Variants in LMF1 observed in about 807,000 individuals in gnomAD.
The protein encoded by LMF1 is transmembrane protein 112.
A neutral mutation model predicts 60.6 loss-of-function variants in LMF1; 68 were observed. The observed-to-expected ratio is 1.12, with a 90% confidence interval of 0.92 to 1.37. The LOEUF is 1.37. Among genes scored for constraint, LMF1 ranks in the 40% most tolerant of loss-of-function variants. LMF1 has a pLI of 0.00. For missense variants in LMF1, 948 were observed against 767.2 expected (o/e 1.24, Z -2.78); for synonymous variants, 418 against 324.7 (o/e 1.29, Z -3.09).
intron 2 of LMF1, among the ~76,000 whole-genome samples, chr16:952,842 T>C (rs2072517014): frequency 7.3e-6 from 1 of 137,408 alleles, no homozygotes; most frequent in Non-Finnish European, 1.6e-5. Context: ...CTCCTACACG[T>C]CCACACAGAC....
chr16:966,397 C>T (rs985382774), intron 1 of LMF1, among the ~76,000 whole-genome samples: 1 of 152,240 alleles, frequency 6.6e-6, no homozygotes, highest in African/African-American at 2.4e-5. Context: ...ACTCGGCCCC[C>T]ACAAACACAT....
intron 2 of LMF1, among the ~76,000 whole-genome samples, chr16:946,032 C>T (rs2072231055): frequency 6.6e-6 from 1 of 152,228 alleles, no homozygotes; most frequent in South Asian, 2.1e-4. Context: ...CACCCCAAAA[C>T]AAGCTAATGG....
intron 6 of LMF1, chr16:871,737 G>A (rs1051471660): frequency 1.6e-5 from 3 of 188,376 alleles, no homozygotes; most frequent in Non-Finnish European, 3.3e-5. Context: ...AGGAGGCTGT[G>A]CTTGGAGAGT....
intron 1 of LMF1, among the ~76,000 whole-genome samples, chr16:969,786 G>A (rs1290741862): frequency 2.0e-5 from 3 of 152,210 alleles, no homozygotes; most frequent in Non-Finnish European, 2.9e-5. Flanking sequence ...CCTCACTTGA[G>A]GTTCGTAGCT....
intron 6 of LMF1, 199 bp from the exon 7 acceptor site, chr16:871,540 C>T: frequency 1.7e-6 from 1 of 599,388 alleles, no homozygotes; most frequent in Non-Finnish European, 3.0e-6. Flanking sequence ...GAGGTGCCTT[C>T]CGGCAGGTGC....
intron 1 of LMF1, chr16:980,458 C>T (rs898305803): frequency 3.5e-4 from 53 of 152,298 alleles, no homozygotes; most frequent in African/African-American, 1.3e-3. Flanking sequence ...CCAGCTCCTT[C>T]TGCCGACCGG....
intron 2 of LMF1, among the ~76,000 whole-genome samples, chr16:938,450 G>C (rs1403603074): frequency 6.6e-6 from 1 of 152,234 alleles, no homozygotes; most frequent in South Asian, 2.1e-4. Context: ...GGATGGCAGG[G>C]GTGGGGCTGG....
In LMF1 at chr16:950,895, A is replaced by G. The variant is rs550451665; in HGVS notation, c.503+3462T>C. ...CAAGGACGGAGTCAGAGCCAACGACAGAGTCAGAGCCAACGACAGAGTCAG... is the reference window on the plus strand; with the variant it reads ...CAAGGACGGAGTCAGAGCCAACGACGGAGTCAGAGCCAACGACAGAGTCAG... On this transcript the variant is annotated intron_variant, in intron 2 of 10. Coordinates refer to ENST00000262301, the MANE Select transcript of LMF1 (RefSeq NM_022773.4). 1.8e-4 allele frequency among the ~76,000 whole-genome samples: 27 copies of G among 151,326 alleles called. No individual in the cohort carries two copies. The South Asian group carries it at 5.5e-3, about 31-fold the overall frequency.
chr16:974,261 C>T (rs181537153), upstream of LMF1, among the ~76,000 whole-genome samples: 42 of 152,346 alleles, frequency 2.8e-4, no homozygotes, highest in African/African-American at 9.6e-4. Context: ...TGAGCTGCAG[C>T]GGCCGGGAGA....
At chr16:909,163 C>A (rs1489256676) in intron 4 of LMF1, among the ~76,000 whole-genome samples, 1 of 152,172 alleles carries the variant, frequency 6.6e-6, no homozygotes, top group African/African-American at 2.4e-5. Context: ...AAGAAATGGC[C>A]AGTTCACTCC....
chr16:909,515 G>A (rs1036661666), intron 4 of LMF1, among the ~76,000 whole-genome samples: 41 of 151,966 alleles, frequency 2.7e-4, no homozygotes, highest in Non-Finnish European at 1.3e-4. Flanking sequence ...GCTACACAGA[G>A]CCACGCTACA....
upstream of LMF1, among the ~76,000 whole-genome samples, chr16:972,748 T>C (rs981263461): frequency 1.9e-4 from 29 of 152,192 alleles, no homozygotes; most frequent in Admixed American, 3.9e-4. Flanking sequence ...CAATGGGGCA[T>C]TGTGCAGAGC....
intron 2 of LMF1, among the ~76,000 whole-genome samples, chr16:948,728 T>TCAAAGCCAAC (rs1376466921): frequency 1.5e-5 from 1 of 66,488 alleles, no homozygotes; most frequent in African/African-American, 8.1e-5. Flanking sequence ...AGTCAGCCAA[T>TCAAAGCCAAC]GACAGAGTCA....
intron 6 of LMF1, chr16:872,611 G>C (rs2069832285): frequency 6.6e-6 from 1 of 152,360 alleles, no homozygotes; most frequent in South Asian, 2.1e-4. Context: ...TCCTGAGTGT[G>C]ACCAGGGCTG....
intron 1 of LMF1, chr16:980,953 C>T (rs1412198791): frequency 6.6e-6 from 1 of 151,918 alleles, no homozygotes; most frequent in South Asian, 2.1e-4. Flanking sequence ...CGCGTCCGGC[C>T]ACGCCATCCG....
At chr16:966,642 C>A (rs1262170764) in intron 1 of LMF1, among the ~76,000 whole-genome samples, 1 of 152,222 alleles carries the variant, frequency 6.6e-6, no homozygotes, top group East Asian at 1.9e-4. Context: ...CGAGCCGTCT[C>A]CCAGGCGGGT....
chr16:943,803 C>T (rs556100209), intron 2 of LMF1, among the ~76,000 whole-genome samples: 2 of 150,472 alleles, frequency 1.3e-5, no homozygotes, highest in East Asian at 3.9e-4. Flanking sequence ...TGCCTCAAAT[C>T]CTCTTTTCTA....
intron 2 of LMF1, 153 bp downstream of exon 2, chr16:954,204 C>T (rs886468435): frequency 4.5e-5 from 38 of 835,854 alleles, no homozygotes; most frequent in Non-Finnish European, 6.7e-5. Flanking sequence ...GTGCACTGGC[C>T]GCTCTGCCAT....
chr16:859,563 A>C (rs868709031), intron 10 of LMF1, among the ~76,000 whole-genome samples: 1 of 13,334 alleles, frequency 7.5e-5, no homozygotes, highest in Non-Finnish European at 1.2e-4. Context: ...CAGTGATGTC[A>C]CGGGACGGGT....
Sources: allele counts gnomAD v4.1 joint callset (sites outside exome capture counted in the v4.1 genomes callset), GRCh38; gene constraint gnomAD v4.1.1; transcripts MANE v1.5; gene names NCBI Gene and HGNC (gene_info 2026-07-23, HGNC 2026-07-21).